Variants in CSMD1 observed in about 807,000 individuals in gnomAD.
CSMD1 encodes the protein CUB and Sushi multiple domains 1, also known as CUB and sushi domain-containing protein 1.
In CSMD1, 213 loss-of-function variants were observed where a neutral mutation model predicts 417.5. That is an observed-to-expected ratio of 0.51 (90% CI 0.46 to 0.57). The LOEUF is 0.57. Ranked by LOEUF, CSMD1 falls within the 20% of genes least tolerant of loss-of-function variation. The pLI, the probability that CSMD1 is intolerant of heterozygous loss-of-function variation, is 0.00. For synonymous variants in CSMD1, 2,862 were observed against 1,736.8 expected, an observed-to-expected ratio of 1.65 and a Z score of -16.11; for missense variants, 6,923 against 4,529.7, an observed-to-expected ratio of 1.53 and a Z score of -15.17.
At chr8:4,416,953 G>C (rs925448747) in intron 3 of CSMD1, among the ~76,000 whole-genome samples, 2 of 151,942 alleles carry the variant, frequency 1.3e-5, no homozygotes, top group Non-Finnish European at 2.9e-5. Context: ...AATCCTAATA[G>C]TTTCTGTTAT....
intron 49 of CSMD1, among the ~76,000 whole-genome samples, chr8:3,057,723 A>T (rs1812330145): frequency 6.6e-6 from 1 of 152,100 alleles, no homozygotes; most frequent in Non-Finnish European, 1.5e-5. Context: ...AGGCCTCAAA[A>T]CGGTTCTGCT....
chr8:4,912,895 A>G (rs1805795050), intron 1 of CSMD1, among the ~76,000 whole-genome samples: 1 of 152,018 alleles, frequency 6.6e-6, no homozygotes, highest in Admixed American at 6.6e-5. Flanking sequence ...AAGTAATTCT[A>G]CTGCCTCAGC....
At chr8:4,362,988 C>T (rs950907537) in intron 3 of CSMD1, among the ~76,000 whole-genome samples, 2 of 152,160 alleles carry the variant, frequency 1.3e-5, no homozygotes, top group African/African-American at 4.8e-5. Context: ...ACAAACATCT[C>T]AGTAGCAGTC....
chr8:4,307,456 CA>C (rs1173299836), intron 3 of CSMD1, among the ~76,000 whole-genome samples: 2 of 152,256 alleles, frequency 1.3e-5, no homozygotes, highest in Middle Eastern at 3.4e-3. Flanking sequence ...TCTGAAAGCC[CA>C]TGTTACATCC....
At chr8:4,004,343 G>A (rs1235941457) in intron 4 of CSMD1, among the ~76,000 whole-genome samples, 1 of 151,386 alleles carries the variant, frequency 6.6e-6, no homozygotes, top group African/African-American at 2.4e-5. Context: ...TTCTGAGAGA[G>A]TATATCCACA....
At chr8:3,942,210 G>C (rs113949224) in intron 5 of CSMD1, among the ~76,000 whole-genome samples, 6,991 of 151,982 alleles carry the variant, frequency 0.046, 210 homozygotes, top group Middle Eastern at 0.11. Context: ...ATGGTGACTT[G>C]TATTATTTTC....
chr8:4,420,189 C>G (rs1233451612), intron 2 of CSMD1, 124 bp from the exon 3 acceptor site: 3 of 585,580 alleles, frequency 5.1e-6, no homozygotes, highest in Admixed American at 2.6e-5. Context: ...GCATTAAACA[C>G]TTAGATAATC....
chr8:4,755,089 T>C (rs1811587095), intron 1 of CSMD1, among the ~76,000 whole-genome samples: 1 of 151,100 alleles, frequency 6.6e-6, no homozygotes, highest in African/African-American at 2.4e-5. Flanking sequence ...AGTGAGCCGA[T>C]ATGGTGCCAC....
intron 1 of CSMD1, among the ~76,000 whole-genome samples, chr8:4,852,864 G>C (rs1171340844): frequency 6.6e-6 from 1 of 152,150 alleles, no homozygotes; most frequent in Non-Finnish European, 1.5e-5. Flanking sequence ...CAAAGAACTT[G>C]GTTGCATTGT....
At chr8:4,169,656 G>A (rs2131131161) in intron 3 of CSMD1, among the ~76,000 whole-genome samples, 1 of 152,206 alleles carries the variant, frequency 6.6e-6, no homozygotes, top group Non-Finnish European at 1.5e-5. Context: ...CGCCATGAGA[G>A]CCAACGCCGG....
intron 1 of CSMD1, among the ~76,000 whole-genome samples, chr8:4,651,843 T>C (rs1803916233): frequency 1.3e-5 from 2 of 152,334 alleles, no homozygotes; most frequent in African/African-American, 4.8e-5. Flanking sequence ...TCATTGGAAT[T>C]AAAGGACTCC....
At chr8:3,812,248 AAAAT>A (rs1198502394) in intron 5 of CSMD1, among the ~76,000 whole-genome samples, 1 of 152,212 alleles carries the variant, frequency 6.6e-6, no homozygotes, top group East Asian at 1.9e-4. Context: ...GGAACTTCAC[AAAAT>A]AAATAAAATA....
At chr8:4,892,244 T>C (rs907160214) in intron 1 of CSMD1, among the ~76,000 whole-genome samples, 2 of 152,126 alleles carry the variant, frequency 1.3e-5, no homozygotes, top group African/African-American at 4.8e-5. Flanking sequence ...AGTGCTCTTC[T>C]AAAATGGTAA....
Position 4,832,774 on chromosome 8 carries a change from A to T in CSMD1, c.85+161558T>A, listed in dbSNP as rs189810788. On this transcript the variant is annotated intron_variant, in intron 1 of 69. Coordinates refer to ENST00000635120, the MANE Select transcript of CSMD1 (RefSeq NM_033225.6). ...GATTGGATCAACTCTTAGAACCATT[A>T]AAAAGTGGACCCAGAGAGCCGAGAC... Among the ~76,000 whole-genome samples the T allele has an allele frequency of 2.7e-4, 41 of 152,308 alleles. No individual in the cohort carries two copies. In the East Asian group the frequency reaches 7.3e-3, roughly 27 times the overall value.
chr8:4,912,317 A>C (rs550856684), intron 1 of CSMD1, among the ~76,000 whole-genome samples: 88 of 151,768 alleles, frequency 5.8e-4, no homozygotes, highest in African/African-American at 2.1e-3. Context: ...AATCTAATAA[A>C]AGAAGAGGGA....
intron 26 of CSMD1, among the ~76,000 whole-genome samples, chr8:3,268,008 C>A (rs146965769): frequency 1.3e-5 from 2 of 152,118 alleles, no homozygotes; most frequent in East Asian, 3.9e-4. Context: ...GGCTCAGTTG[C>A]CTCTGTCTGC....
chr8:4,172,744 CTG>C (rs1797836582), intron 3 of CSMD1, among the ~76,000 whole-genome samples: 1 of 152,128 alleles, frequency 6.6e-6, no homozygotes, highest in South Asian at 2.1e-4. Flanking sequence ...TGTAAAAAGA[CTG>C]TGGCTTCCAC....
chr8:4,030,842 G>T (rs538824829), intron 4 of CSMD1, among the ~76,000 whole-genome samples: 2 of 152,190 alleles, frequency 1.3e-5, no homozygotes, highest in African/African-American at 2.4e-5. Flanking sequence ...TGAATGCTTT[G>T]CTGCTTAGAA....
intron 5 of CSMD1, among the ~76,000 whole-genome samples, chr8:3,857,949 C>T (rs1050947013): frequency 7.9e-5 from 12 of 152,246 alleles, no homozygotes; most frequent in African/African-American, 2.9e-4. Flanking sequence ...AAAGCCTACA[C>T]TGCATGGTGA....
Sources: gnomAD v4.1 joint callset for allele counts (sites outside exome capture counted in the v4.1 genomes callset) on GRCh38, gnomAD v4.1.1 for gene constraint, MANE v1.5 for transcripts, NCBI Gene and HGNC (gene_info 2026-07-23, HGNC 2026-07-21) for gene names.